The following CAMK2D variants were observed in gnomAD, a reference collection of about 807,000 sequenced individuals.
The protein encoded by CAMK2D is calcium/calmodulin dependent protein kinase II delta.
A neutral mutation model predicts 84.0 loss-of-function variants in CAMK2D; 37 were observed. That is an observed-to-expected ratio of 0.44 (90% CI 0.34 to 0.58). The LOEUF (loss-of-function observed/expected upper bound fraction) is 0.58. CAMK2D is among the 20% of genes least tolerant of loss of function. CAMK2D has a pLI of 0.02. For synonymous variants in CAMK2D, 202 were observed against 212.5 expected, an observed-to-expected ratio of 0.95 and a Z score of 0.43; for missense variants, 448 against 652.5, an observed-to-expected ratio of 0.69 and a Z score of 3.41.
intron 2 of CAMK2D, among the ~76,000 whole-genome samples, chr4:113,699,239 T>A (rs4502683): frequency 3.3e-5 from 5 of 152,088 alleles, no homozygotes; most frequent in African/African-American, 1.2e-4. Context: ...AAAAACCATA[T>A]GAAAAATGGC....
chr4:113,529,082 G>T (rs1402649187), intron 8 of CAMK2D, among the ~76,000 whole-genome samples: 2 of 152,082 alleles, frequency 1.3e-5, no homozygotes, highest in African/African-American at 2.4e-5. Context: ...TTCAATGAGG[G>T]TAACATATTC....
chr4:113,479,402 CTT>C (rs1300375834), intron 16 of CAMK2D, among the ~76,000 whole-genome samples: 1 of 152,116 alleles, frequency 6.6e-6, no homozygotes, highest in Non-Finnish European at 1.5e-5. Context: ...TGAGGGATGA[CTT>C]TGAGTTATTA....
intron 4 of CAMK2D, among the ~76,000 whole-genome samples, chr4:113,556,381 G>T (rs1466042203): frequency 6.6e-6 from 1 of 152,142 alleles, no homozygotes; most frequent in Non-Finnish European, 1.5e-5. Flanking sequence ...AAAGGATCAT[G>T]CAGAAAGACT....
At chr4:113,631,241 G>A (rs1361511516) in intron 3 of CAMK2D, among the ~76,000 whole-genome samples, 1 of 152,238 alleles carries the variant, frequency 6.6e-6, no homozygotes, top group South Asian at 2.1e-4. Flanking sequence ...GACTGAATAT[G>A]GTGGCTCATG....
chr4:113,690,338 A>T (rs1467491400), intron 2 of CAMK2D, among the ~76,000 whole-genome samples: 1 of 152,002 alleles, frequency 6.6e-6, no homozygotes, highest in Non-Finnish European at 1.5e-5. Context: ...AATACATCTC[A>T]TCTGAATTCC....
At chr4:113,590,776 T>C (rs1018399974) in intron 4 of CAMK2D, among the ~76,000 whole-genome samples, 1 of 152,172 alleles carries the variant, frequency 6.6e-6, no homozygotes, top group African/African-American at 2.4e-5. Flanking sequence ...TTAAAATAAC[T>C]GGGACAGAAT....
intron 4 of CAMK2D, among the ~76,000 whole-genome samples, chr4:113,586,040 T>A (rs1391199027): frequency 2.6e-5 from 4 of 152,176 alleles, no homozygotes; most frequent in East Asian, 3.8e-4. Flanking sequence ...TGCGGTTTTT[T>A]AATTTGTTTT....
chr4:113,695,160 A>T (rs1372218697), intron 2 of CAMK2D, among the ~76,000 whole-genome samples: 1 of 152,166 alleles, frequency 6.6e-6, no homozygotes, highest in Non-Finnish European at 1.5e-5. Context: ...AAGCTGGATG[A>T]TAACTGTCAA....
intron 3 of CAMK2D, among the ~76,000 whole-genome samples, chr4:113,628,253 A>C (rs1276194362): frequency 6.6e-6 from 1 of 152,188 alleles, no homozygotes; most frequent in Non-Finnish European, 1.5e-5. Context: ...AAATTATGAC[A>C]CTGTGTTAGA....
At chr4:113,739,241 A>T (rs190982097) in intron 2 of CAMK2D, among the ~76,000 whole-genome samples, 1 of 152,296 alleles carries the variant, frequency 6.6e-6, no homozygotes, top group African/African-American at 2.4e-5. Context: ...TAAAATGGAA[A>T]CTTCTCACTG....
At chr4:113,759,299 T>A in intron 2 of CAMK2D, 21 bp downstream of exon 2, 2 of 1,454,226 alleles carry the variant, frequency 1.4e-6, no homozygotes, top group South Asian at 2.3e-5. Context: ...TTAACCAATA[T>A]ATGTGGTTGA....
intron 7 of CAMK2D, among the ~76,000 whole-genome samples, chr4:113,534,569 G>C (rs2098477592): frequency 6.6e-6 from 1 of 152,142 alleles, no homozygotes; most frequent in South Asian, 2.1e-4. Flanking sequence ...TTAGAAATCA[G>C]TAACAATTTG....
chr4:113,603,746 ATATC>A (rs2098964234), intron 4 of CAMK2D, among the ~76,000 whole-genome samples: 1 of 142,666 alleles, frequency 7.0e-6, no homozygotes. Flanking sequence ...TTCTTTATAT[ATATC>A]TTTCTATATA....
chr4:113,591,527 T>C (rs1405307037), intron 4 of CAMK2D, among the ~76,000 whole-genome samples: 1 of 152,210 alleles, frequency 6.6e-6, no homozygotes, highest in Non-Finnish European at 1.5e-5. Context: ...CTCCAACTTG[T>C]AGCTAGAATG....
chr4:113,574,999 T>G (rs549057048), intron 4 of CAMK2D, among the ~76,000 whole-genome samples: 1 of 152,300 alleles, frequency 6.6e-6, no homozygotes, highest in South Asian at 2.1e-4. Context: ...ACACAGCATC[T>G]GTGCACTCAC....
chr4:113,625,902 C>T (rs776275324), intron 3 of CAMK2D, among the ~76,000 whole-genome samples: 4 of 151,724 alleles, frequency 2.6e-5, no homozygotes, highest in Non-Finnish European at 4.4e-5. Context: ...TAATCCCAGC[C>T]ACTCTAGAGG....
intron 2 of CAMK2D, among the ~76,000 whole-genome samples, chr4:113,713,881 T>C (rs941592553): frequency 1.3e-5 from 2 of 151,450 alleles, no homozygotes; most frequent in Non-Finnish European, 3.0e-5. Flanking sequence ...AATACAAACT[T>C]TTTTTTTGGG....
intron 2 of CAMK2D, among the ~76,000 whole-genome samples, chr4:113,669,892 C>T (rs2099272918): frequency 6.6e-6 from 1 of 152,104 alleles, no homozygotes; most frequent in African/African-American, 2.4e-5. Flanking sequence ...AAGACCTGTC[C>T]AAAGGAGGAA....
rs534709858 is a variant in CAMK2D at position 113,741,595 on chromosome 4, T to A, written c.160+17725A>T. On this transcript the variant is annotated intron_variant, in intron 2 of 20. Coordinates refer to ENST00000511664, the MANE Select transcript of CAMK2D (RefSeq NM_001321571.2). The stretch of plus-strand genomic sequence containing the variant: ...GAGACAAGGGGAGACTACTATAGTC[T>A]TGCTTTCACTCACACTTCCTTACAA... Among the ~76,000 whole-genome samples the A allele has an allele frequency of 8.8e-4, 134 of 152,322 alleles. 1 individual carries two copies. The highest frequency in any genetic ancestry group is 3.1e-3 in the African/African-American group (128 of 41,574).
Sources: gnomAD v4.1 joint callset for allele counts (sites outside exome capture counted in the v4.1 genomes callset) on GRCh38, gnomAD v4.1.1 for gene constraint, MANE v1.5 for transcripts, NCBI Gene and HGNC (gene_info 2026-07-23, HGNC 2026-07-21) for gene names.